Variants in MRPS28 observed in about 807,000 individuals in gnomAD.
The protein encoded by MRPS28 is small ribosomal subunit protein bS1m.
A neutral mutation model predicts 10.8 loss-of-function variants in MRPS28; 7 were observed. The observed-to-expected ratio is 0.65, with a 90% CI of 0.37 to 1.22. MRPS28 has a LOEUF of 1.22. Ranked by LOEUF, MRPS28 falls within the 50% of genes most tolerant of loss-of-function variation. The pLI is 0.02. For synonymous variants in MRPS28, 121 were observed against 93.3 expected (o/e 1.30, Z -1.71); for missense variants, 265 against 232.9 (o/e 1.14, Z -0.90).
chr8:80,006,741 T>G (rs1386374145), intron 1 of MRPS28, among the ~76,000 whole-genome samples: 1 of 152,190 alleles, frequency 6.6e-6, no homozygotes, highest in African/African-American at 2.4e-5. Flanking sequence ...AATCCCTGAA[T>G]AGACCAATAA....
intron 1 of MRPS28, among the ~76,000 whole-genome samples, chr8:80,008,211 G>T (rs1808919890): frequency 6.6e-6 from 1 of 152,140 alleles, no homozygotes; most frequent in African/African-American, 2.4e-5. Flanking sequence ...GGGAAAACTG[G>T]CTAGCCATAT....
At chr8:79,976,363 G>A (rs936810202) in intron 2 of MRPS28, among the ~76,000 whole-genome samples, 1 of 152,134 alleles carries the variant, frequency 6.6e-6, no homozygotes, top group Non-Finnish European at 1.5e-5. Flanking sequence ...GATTACAGGC[G>A]TGAGCCACCG....
intron 1 of MRPS28, chr8:80,028,648 G>C (rs1389161625): frequency 1.0e-5 from 1 of 98,120 alleles, no homozygotes; most frequent in African/African-American, 4.5e-5. Flanking sequence ...CAGAAGACGG[G>C]CGGGGGGGGC....
chr8:79,995,319 G>A (rs1808472774), intron 2 of MRPS28, among the ~76,000 whole-genome samples: 1 of 152,168 alleles, frequency 6.6e-6, no homozygotes, highest in South Asian at 2.1e-4. Flanking sequence ...TGTTTTACCA[G>A]TGCATTACAA....
At chr8:80,012,370 A>G (rs1809074337) in intron 1 of MRPS28, among the ~76,000 whole-genome samples, 1 of 152,230 alleles carries the variant, frequency 6.6e-6, no homozygotes, top group African/African-American at 2.4e-5. Context: ...GCTTATGCCA[A>G]AATGTACTCA....
chr8:79,997,536 C>T (rs148519251), intron 2 of MRPS28, among the ~76,000 whole-genome samples: 5 of 152,014 alleles, frequency 3.3e-5, no homozygotes, highest in Non-Finnish European at 5.9e-5. Context: ...CTACAGTTTT[C>T]TTGCACAATC....
rs745873075 is a variant in MRPS28 at position 79,918,956 on chromosome 8, G to C, written c.*24C>G. The C allele has an allele frequency of 4.8e-6, 7 of 1,470,262 alleles. No individual in the cohort carries two copies. In the South Asian group the frequency reaches 1.1e-4, roughly 23 times the overall value. The allele number at this position is 1,470,262 out of a possible 1,614,324, so 91.1% of individuals were successfully genotyped here. On this transcript the variant is annotated 3_prime_UTR_variant, in exon 3 of 3. Transcript: ENST00000276585. ...ATGAATAACTGACTTCAGCAAAGGA[G>C]TCAATCCACTAAGCAAAGTTCATTT...
At position 80,024,439 on chromosome 8, in the gene MRPS28, C is replaced by T. The variant is rs556662330; in HGVS notation, c.213+5597G>A. Among the ~76,000 whole-genome samples the T allele has an allele frequency of 1.4e-4, 21 of 152,164 alleles. No individual in the cohort carries two copies. In the South Asian group the frequency reaches 3.7e-3, roughly 27 times the overall value. ...CTTCGGTTCCCTTTAACTAGTAACC[C>T]GAGTGTGTAATAGGATAAGAACTTC... On this transcript the variant is annotated intron_variant, in intron 1 of 2. Transcript: ENST00000276585.
intron 2 of MRPS28, among the ~76,000 whole-genome samples, chr8:79,996,972 C>A (rs982672545): frequency 2.6e-5 from 4 of 152,180 alleles, no homozygotes; most frequent in Non-Finnish European, 5.9e-5. Flanking sequence ...CTCAGAGACT[C>A]ATTTTCTTCA....
chr8:79,937,904 TAAA>T (rs1396983382), intron 2 of MRPS28, among the ~76,000 whole-genome samples: 5 of 152,322 alleles, frequency 3.3e-5, no homozygotes, highest in Admixed American at 2.6e-4. Context: ...GAAAAAGCAA[TAAA>T]AAGTGTCCTG....
chr8:79,938,493 G>A (rs1806670567), intron 2 of MRPS28, among the ~76,000 whole-genome samples: 1 of 150,066 alleles, frequency 6.7e-6, no homozygotes, highest in African/African-American at 2.5e-5. Context: ...TTAAAATTAA[G>A]GTTTTAAAGC....
At chr8:79,992,102 A>T (rs1808383244) in intron 2 of MRPS28, among the ~76,000 whole-genome samples, 1 of 152,198 alleles carries the variant, frequency 6.6e-6, no homozygotes, top group African/African-American at 2.4e-5. Flanking sequence ...CTACCTCAGA[A>T]GCAAATCCTC....
intron 2 of MRPS28, among the ~76,000 whole-genome samples, chr8:79,979,539 T>C (rs1807894685): frequency 6.6e-6 from 1 of 152,144 alleles, no homozygotes; most frequent in African/African-American, 2.4e-5. Context: ...TATTTCTTCT[T>C]GTGAGACAGG....
intron 2 of MRPS28, among the ~76,000 whole-genome samples, chr8:79,954,282 C>T (rs991106787): frequency 6.6e-6 from 1 of 151,960 alleles, no homozygotes; most frequent in South Asian, 2.1e-4. Context: ...AATGGTTTGG[C>T]ATTATCTTCT....
intron 2 of MRPS28, among the ~76,000 whole-genome samples, chr8:79,945,820 G>A (rs1364318013): frequency 6.6e-6 from 1 of 152,206 alleles, no homozygotes; most frequent in East Asian, 1.9e-4. Context: ...GGGTAAGCAA[G>A]CCCATTCAAG....
chr8:80,006,449 A>T (rs1808849181), intron 1 of MRPS28, among the ~76,000 whole-genome samples: 1 of 152,200 alleles, frequency 6.6e-6, no homozygotes, highest in South Asian at 2.1e-4. Flanking sequence ...ACAGAGACAC[A>T]AAAAAACCTT....
intron 1 of MRPS28, among the ~76,000 whole-genome samples, chr8:80,008,519 A>C (rs1808932213): frequency 6.6e-6 from 1 of 152,256 alleles, no homozygotes; most frequent in Admixed American, 6.5e-5. Flanking sequence ...TCTGCAATCT[A>C]CCCATCTGAC....
At chr8:79,956,733 T>C (rs1807226068) in intron 2 of MRPS28, 1 of 152,154 alleles carries the variant, frequency 6.6e-6, no homozygotes, top group South Asian at 2.1e-4. Flanking sequence ...GAACATGCAG[T>C]ATTTGGTTTT....
intron 2 of MRPS28, among the ~76,000 whole-genome samples, chr8:79,985,919 C>T (rs1301916289): frequency 2.0e-5 from 3 of 152,130 alleles, no homozygotes. Context: ...CTCCCTAACT[C>T]ATTTTATGAG....
Sources: allele counts gnomAD v4.1 joint callset (sites outside exome capture counted in the v4.1 genomes callset), GRCh38; gene constraint gnomAD v4.1.1; transcripts MANE v1.5; gene names NCBI Gene and HGNC (gene_info 2026-07-23, HGNC 2026-07-21).